Variants in PRKAG2 observed in about 807,000 individuals in gnomAD.
PRKAG2 encodes the protein protein kinase AMP-activated non-catalytic subunit gamma 2, also known as 5'-AMP-activated protein kinase subunit gamma-2.
A neutral mutation model predicts 69.6 loss-of-function variants in PRKAG2; 26 were observed. That is an observed-to-expected ratio of 0.37 (90% CI 0.27 to 0.52). The LOEUF (loss-of-function observed/expected upper bound fraction) is 0.52, where lower values mean the gene tolerates loss of function less well. Ranked by LOEUF, PRKAG2 falls within the 20% of genes least tolerant of loss-of-function variation. The pLI, the probability that PRKAG2 is intolerant of heterozygous loss-of-function variation, is 0.90. For synonymous variants in PRKAG2, 293 were observed against 285.0 expected, an observed-to-expected ratio of 1.03 and a Z score of -0.28; for missense variants, 557 against 740.0, an observed-to-expected ratio of 0.75 and a Z score of 2.87.
intron 4 of PRKAG2, among the ~76,000 whole-genome samples, chr7:151,671,190 A>G (rs1217441409): frequency 6.6e-6 from 1 of 151,458 alleles, no homozygotes; most frequent in Non-Finnish European, 1.5e-5. Context: ...AAAAAAAAAA[A>G]AAAAAAAAGG....
At chr7:151,609,424 G>C (rs985886751) in intron 5 of PRKAG2, among the ~76,000 whole-genome samples, 1 of 152,042 alleles carries the variant, frequency 6.6e-6, no homozygotes. Context: ...AAATACTAAA[G>C]GATAATTTAA....
intron 1 of PRKAG2, among the ~76,000 whole-genome samples, chr7:151,818,779 G>A (rs2078704680): frequency 6.6e-6 from 1 of 152,216 alleles, no homozygotes; most frequent in Non-Finnish European, 1.5e-5. Context: ...TGGGGATTCG[G>A]GGCACGGCAT....
intron 1 of PRKAG2, among the ~76,000 whole-genome samples, chr7:151,821,233 G>A (rs572685427): frequency 2.6e-5 from 4 of 152,342 alleles, no homozygotes; most frequent in Admixed American, 2.6e-4. Flanking sequence ...GTAAAAATCA[G>A]AGGCACTGAA....
chr7:151,802,078 C>T (rs1044761279), intron 1 of PRKAG2, among the ~76,000 whole-genome samples: 8 of 152,100 alleles, frequency 5.3e-5, no homozygotes, highest in South Asian at 2.1e-4. Context: ...GTGGCCTCTG[C>T]GTGTGTCACC....
At chr7:151,766,516 C>T (rs2151768027) in intron 3 of PRKAG2, among the ~76,000 whole-genome samples, 1 of 152,312 alleles carries the variant, frequency 6.6e-6, no homozygotes, top group African/African-American at 2.4e-5. Flanking sequence ...GTGGATAAGT[C>T]CCAGGAGAGA....
chr7:151,696,001 G>A (rs1458264378), intron 3 of PRKAG2, among the ~76,000 whole-genome samples: 39 of 152,184 alleles, frequency 2.6e-4, no homozygotes, highest in Admixed American at 2.6e-3. Flanking sequence ...TCAGGGGTCC[G>A]AGGGGGCGGG....
chr7:151,622,620 T>G (rs1821808943), intron 5 of PRKAG2, among the ~76,000 whole-genome samples: 1 of 152,184 alleles, frequency 6.6e-6, no homozygotes, highest in African/African-American at 2.4e-5. Flanking sequence ...TCTTGTGAGC[T>G]TGAACAAATT....
intron 1 of PRKAG2, among the ~76,000 whole-genome samples, chr7:151,808,658 T>C (rs2151849180): frequency 6.6e-6 from 1 of 151,826 alleles, no homozygotes; most frequent in South Asian, 2.1e-4. Context: ...GGGAGATGGT[T>C]CTCATAGATC....
At position 151,699,194 on chromosome 7, in the gene PRKAG2, A is replaced by C. The variant is rs969442067; in HGVS notation, c.467-23557T>G. Among the ~76,000 whole-genome samples the C allele has an allele frequency of 6.6e-6, 1 of 152,186 alleles. No individual in the cohort carries two copies. Among genetic ancestry groups the C allele is most frequent in the Non-Finnish European group, 1.5e-5 (1 of 68,032 alleles). On this transcript the variant is annotated intron_variant, in intron 3 of 15. Transcript: ENST00000287878. This position sits in a 1 kb window ranked among gnomAD's most constrained non-coding sequence, Gnocchi z 4.5. Reference sequence around the variant, plus strand: ...GTGTCTCTTTGACACCTGGGATGTAAGCTGTGAAAGCTAAACTGCACTGTA... The same window carrying C: ...GTGTCTCTTTGACACCTGGGATGTACGCTGTGAAAGCTAAACTGCACTGTA...
intron 4 of PRKAG2, among the ~76,000 whole-genome samples, chr7:151,663,349 G>A (rs1585589778): frequency 6.6e-6 from 1 of 152,116 alleles, no homozygotes; most frequent in African/African-American, 2.4e-5. Flanking sequence ...AACTCTGCTG[G>A]ATTATTTACC....
At chr7:151,558,799 A>T (rs1804318847) in intron 15 of PRKAG2, 1 of 985,266 alleles carries the variant, frequency 1.0e-6, no homozygotes, top group African/African-American at 1.7e-5. Context: ...CAGTGATGGG[A>T]GGGGCATTGC....
At chr7:151,686,610 G>A (rs1206066585) in intron 3 of PRKAG2, among the ~76,000 whole-genome samples, 1 of 152,148 alleles carries the variant, frequency 6.6e-6, no homozygotes, top group African/African-American at 2.4e-5. Context: ...ACCTTGCTCT[G>A]AATGTTCCTA....
rs535523879 is a variant in PRKAG2, at chr7:151,592,754, C to T, written c.864+2591G>A. 4.6e-5 allele frequency among the ~76,000 whole-genome samples: 7 copies of T among 152,280 alleles called. No homozygotes were observed. The East Asian group carries it at 5.8e-4, about 13-fold the overall frequency. On this transcript the variant is annotated intron_variant, in intron 6 of 15. Coordinates refer to ENST00000287878, the MANE Select transcript of PRKAG2 (RefSeq NM_016203.4). ...TGCAGTATTCTATTATATGCCTATGCGAGGATTTATTTAACTGGTCTCTTA... is the reference window on the plus strand; with the variant it reads ...TGCAGTATTCTATTATATGCCTATGTGAGGATTTATTTAACTGGTCTCTTA...
rs1810984450 is a variant in PRKAG2 at position 151,583,603 on chromosome 7, C to T, written c.865-7151G>A. Among the ~76,000 whole-genome samples the T allele has an allele frequency of 4.6e-5, 7 of 152,162 alleles. No homozygotes were observed. In the South Asian group the frequency reaches 1.5e-3, roughly 32 times the overall value. On this transcript the variant is annotated intron_variant, in intron 6 of 15. Transcript: ENST00000287878. This position sits in a 1 kb window ranked among gnomAD's most constrained non-coding sequence, Gnocchi z 4.1. The stretch of plus-strand genomic sequence containing the variant: ...AAATTCTCCATAATTATAGACGGCA[C>T]AGGGTGTTCCAATTAACCAATAAAC...
At chr7:151,867,265 C>A (rs1377451267) in intron 1 of PRKAG2, among the ~76,000 whole-genome samples, 1 of 152,184 alleles carries the variant, frequency 6.6e-6, no homozygotes, top group Non-Finnish European at 1.5e-5. Flanking sequence ...GGTTCCTGGG[C>A]TGTGATAATG....
chr7:151,800,829 G>A (rs1374523054), intron 1 of PRKAG2, among the ~76,000 whole-genome samples: 1 of 152,188 alleles, frequency 6.6e-6, no homozygotes, highest in African/African-American at 2.4e-5. Flanking sequence ...CCTAATGTCA[G>A]CTATGGACTT....
chr7:151,703,845 A>AACACACACACACACACAC (rs535818189), intron 3 of PRKAG2, among the ~76,000 whole-genome samples: 25 of 88,540 alleles, frequency 2.8e-4, no homozygotes, highest in East Asian at 7.0e-4. Context: ...TTTACTGGAA[A>AACACACACACACACACAC]ACACACACAC....
chr7:151,657,896 G>T (rs1365920357), intron 4 of PRKAG2, among the ~76,000 whole-genome samples: 5 of 152,184 alleles, frequency 3.3e-5, no homozygotes, highest in African/African-American at 1.2e-4. Context: ...AGTGGCTCAT[G>T]CCTGTAATCC....
intron 4 of PRKAG2, among the ~76,000 whole-genome samples, chr7:151,662,354 G>A (rs1216761084): frequency 6.6e-6 from 1 of 152,190 alleles, no homozygotes; most frequent in African/African-American, 2.4e-5. Context: ...TCTCCGTCCA[G>A]TGTTTTTCTA....
Sources: allele counts gnomAD v4.1 joint callset (sites outside exome capture counted in the v4.1 genomes callset), GRCh38; gene constraint gnomAD v4.1.1; non-coding constraint Gnocchi (gnomAD v3.1); transcripts MANE v1.5; gene names NCBI Gene and HGNC (gene_info 2026-07-23, HGNC 2026-07-21).